Variants in AKNA observed in about 807,000 individuals in gnomAD.
The protein encoded by AKNA is microtubule organization protein AKNA.
A neutral mutation model predicts 138.8 loss-of-function variants in AKNA; 67 were observed. The observed-to-expected ratio is 0.48, with a 90% confidence interval of 0.40 to 0.59. The LOEUF (loss-of-function observed/expected upper bound fraction) is 0.59, where lower values mean the gene tolerates loss of function less well. Ranked by LOEUF, AKNA falls within the 20% of genes least tolerant of loss-of-function variation. The pLI, the probability that AKNA is intolerant of heterozygous loss-of-function variation, is 0.00. For synonymous variants in AKNA, 737 were observed against 754.4 expected (o/e 0.98, Z 0.38); for missense variants, 1,813 against 1,880.4 (o/e 0.96, Z 0.66).
At chr9:114,372,130 C>T (rs1006250231) in intron 4 of AKNA, among the ~76,000 whole-genome samples, 14 of 152,290 alleles carry the variant, frequency 9.2e-5, no homozygotes, top group African/African-American at 1.9e-4. Context: ...TGCTTCCTTC[C>T]GGTAGAGCCC....
intron 1 of AKNA, among the ~76,000 whole-genome samples, chr9:114,384,883 T>G (rs1833923422): frequency 6.6e-6 from 1 of 152,188 alleles, no homozygotes; most frequent in South Asian, 2.1e-4. Flanking sequence ...AGACAGGGTC[T>G]CACTGTTACC....
chr9:114,350,958 G>A lies in AKNA; in HGVS notation c.3122C>T (p.Thr1041Ile). 1 of 1,613,444 alleles carries A rather than the reference G, an allele frequency of 6.2e-7. No individual in the cohort carries two copies. The highest frequency in any genetic ancestry group is 1.1e-5 in the South Asian group (1 of 91,040). Residue 1041 changes from threonine to isoleucine, a missense_variant, in exon 15 of 22, where the codon ACA becomes ATA. Physicochemically the swap from Thr to Ile is moderately conservative, Grantham distance 89. Transcript: ENST00000374088. ...RISEQPLPNKTISPPPAPAPA... is the reference protein window; with the variant it reads ...RISEQPLPNKIISPPPAPAPA... Reference sequence around the variant, plus strand: ...GGCGGGGGCTGGGGGTGGGCTGATTGTCTTGTTGGGAAGGGGCTGTTCAGA... The same window carrying A: ...GGCGGGGGCTGGGGGTGGGCTGATTATCTTGTTGGGAAGGGGCTGTTCAGA...
At chr9:114,362,352 G>T in intron 8 of AKNA, 54 bp downstream of exon 8, 1 of 1,550,020 alleles carries the variant, frequency 6.5e-7, no homozygotes, top group Non-Finnish European at 8.7e-7. Flanking sequence ...GAGACTGAGG[G>T]ACCCCAGGGG....
chr9:114,346,600 C>G, intron 17 of AKNA, 69 bp downstream of exon 17: 3 of 1,265,142 alleles, frequency 2.4e-6, no homozygotes, highest in Admixed American at 2.2e-5. Context: ...TTGCTGTGGT[C>G]CCTGACCACT....
intron 14 of AKNA, among the ~76,000 whole-genome samples, chr9:114,353,029 G>A (rs1254498905): frequency 6.6e-6 from 1 of 152,136 alleles, no homozygotes; most frequent in African/African-American, 2.4e-5. Context: ...ACTTCAGTGA[G>A]GTTCTGGGGT....
downstream of AKNA, among the ~76,000 whole-genome samples, chr9:114,333,941 T>C (rs1376649318): frequency 6.9e-6 from 1 of 144,838 alleles, no homozygotes; most frequent in Non-Finnish European, 1.5e-5. Context: ...TGGTTTCTAA[T>C]GGTTTAGCCC....
At position 114,336,845 on chromosome 9, in the gene AKNA, C is replaced by T; in HGVS notation, c.*209G>A. 1.8e-6 allele frequency: 1 copy of T among 540,850 alleles called. No individual in the cohort carries two copies. Among genetic ancestry groups the T allele is most frequent in the Non-Finnish European group, 3.0e-6 (1 of 334,738 alleles). 33.5% of individuals were successfully genotyped at this position (540,850 alleles called of 1,614,324 possible). Reference sequence around the variant, plus strand: ...GCACCTCTGTGAGGGGACTGGTGCTCCTGGGAAGTCACTTCTCTTGGTGAC... The same window carrying T: ...GCACCTCTGTGAGGGGACTGGTGCTTCTGGGAAGTCACTTCTCTTGGTGAC... On this transcript the variant is annotated 3_prime_UTR_variant, in exon 22 of 22. Coordinates refer to ENST00000374088, the MANE Select transcript of AKNA (RefSeq NM_001317950.2).
At chr9:114,342,858 T>C (rs1025985247) in intron 19 of AKNA, among the ~76,000 whole-genome samples, 2 of 143,864 alleles carry the variant, frequency 1.4e-5, no homozygotes, top group African/African-American at 5.9e-5. Flanking sequence ...TAGGGGTAAG[T>C]GATGAATGAA....
chr9:114,366,462 G>A (rs979026032), intron 6 of AKNA, among the ~76,000 whole-genome samples: 4 of 152,114 alleles, frequency 2.6e-5, no homozygotes, highest in African/African-American at 2.4e-5. Flanking sequence ...AAGAGCAGCC[G>A]ACGGAGGCTG....
In AKNA at chr9:114,361,859, C is replaced by A; in HGVS notation, c.1969G>T (p.Glu657Ter). The change falls in exon 9 of 22, where the codon GAA (glutamate) becomes TAA (stop). Residue 657 changes from glutamate (E) to a stop codon, truncating the protein, a stop_gained. Coordinates refer to ENST00000374088, the MANE Select transcript of AKNA (RefSeq NM_001317950.2). LOFTEE classifies it high-confidence loss of function. ...RLGSCLEELK[E>*]HIDQTQQEPE... ...TCTTGCTGGGTCTGGTCTATGTGTT[C>A]CTTCAGCTCTTCCAGGCAGCTTCCC... The A allele has an allele frequency of 6.2e-7, 1 of 1,610,252 alleles. No individual in the cohort carries two copies. The highest frequency in any genetic ancestry group is 8.5e-7 in the Non-Finnish European group (1 of 1,179,978).
At position 114,387,875 on chromosome 9, in the gene AKNA, C is replaced by A. The variant is rs1487055219; in HGVS notation, c.-129G>T. 4.4e-6 allele frequency: 2 copies of A among 455,060 alleles called. No homozygotes were observed. The highest frequency in any genetic ancestry group is 2.4e-5 in the Admixed American group (1 of 42,486). 28.2% of individuals were successfully genotyped at this position (455,060 alleles called of 1,614,324 possible). On this transcript the variant is annotated 5_prime_UTR_variant, in exon 1 of 22. Transcript: ENST00000374088. The stretch of plus-strand genomic sequence containing the variant: ...AATCCCTTACCTCTCTCGGGCTCCA[C>A]CACCGTCCTGCCGACCCAGTTTCAG...
At chr9:114,382,460 G>T (rs1030233498) in intron 1 of AKNA, among the ~76,000 whole-genome samples, 13 of 151,874 alleles carry the variant, frequency 8.6e-5, no homozygotes, top group African/African-American at 3.1e-4. Context: ...GTGCACACCT[G>T]CAGTCCCAGC....
chr9:114,353,100 C>A (rs1831246679), intron 14 of AKNA, among the ~76,000 whole-genome samples: 7 of 151,936 alleles, frequency 4.6e-5, no homozygotes, highest in Admixed American at 3.3e-4. Flanking sequence ...AATTTAAGTT[C>A]TTTTTGGTGG....
At chr9:114,330,679 G>A (rs1204683292), downstream of AKNA, 25 of 1,600,662 alleles carry the variant, frequency 1.6e-5, no homozygotes, top group East Asian at 2.2e-4. Flanking sequence ...GGGTGGAACC[G>A]GGAGGGTTGG....
At chr9:114,392,001 G>A (rs537588742), upstream of AKNA, among the ~76,000 whole-genome samples, 37 of 150,158 alleles carry the variant, frequency 2.5e-4, no homozygotes, top group South Asian at 5.5e-3. Context: ...CCCTTCCCAC[G>A]AGCCTGAGGC....
At chr9:114,371,078 G>A (rs1170688152) in intron 4 of AKNA, among the ~76,000 whole-genome samples, 1 of 152,188 alleles carries the variant, frequency 6.6e-6, no homozygotes, top group African/African-American at 2.4e-5. Context: ...CCTGGCCAGA[G>A]GCCAGTGTAG....
At chr9:114,387,100 C>G (rs1327524061) in intron 1 of AKNA, among the ~76,000 whole-genome samples, 1 of 152,160 alleles carries the variant, frequency 6.6e-6, no homozygotes, top group African/African-American at 2.4e-5. Context: ...CCAAGGCTGT[C>G]AGATGTGTCA....
chr9:114,352,562 A>G (rs1255062794), intron 14 of AKNA, among the ~76,000 whole-genome samples: 1 of 151,990 alleles, frequency 6.6e-6, no homozygotes, highest in Non-Finnish European at 1.5e-5. Context: ...GTACCACTAC[A>G]TACCAGCCTG....
At chr9:114,347,248 C>A (rs1343497837) in intron 16 of AKNA, among the ~76,000 whole-genome samples, 2 of 152,020 alleles carry the variant, frequency 1.3e-5, no homozygotes, top group Non-Finnish European at 2.9e-5. Flanking sequence ...GAGACAGAGC[C>A]TCTCTCTGTT....
Sources: gnomAD v4.1 joint callset for allele counts (sites outside exome capture counted in the v4.1 genomes callset) on GRCh38, gnomAD v4.1.1 for gene constraint, MANE v1.5 for transcripts, NCBI Gene and HGNC (gene_info 2026-07-23, HGNC 2026-07-21) for gene names.